Variants in NEGR1 observed in about 807,000 individuals in gnomAD.
NEGR1 encodes the protein IgLON family member 4.
NEGR1 carries 10 observed loss-of-function variants against 40.9 expected under a neutral mutation model. The observed-to-expected ratio is 0.24, with a 90% confidence interval of 0.15 to 0.42. The LOEUF (loss-of-function observed/expected upper bound fraction) is 0.42, where lower values mean the gene tolerates loss of function less well. Among genes scored for constraint, NEGR1 ranks in the 10% least tolerant of loss-of-function variants. NEGR1 has a pLI of 1.00. For synonymous variants in NEGR1, 185 were observed against 166.8 expected (o/e 1.11, Z -0.84); for missense variants, 352 against 438.9 (o/e 0.80, Z 1.77).
chr1:72,141,303 C>G (rs768497773), intron 1 of NEGR1, among the ~76,000 whole-genome samples: 1 of 151,890 alleles, frequency 6.6e-6, no homozygotes, highest in African/African-American at 2.4e-5. Context: ...ATGCATATGT[C>G]ATTTCTAAGA....
At chr1:71,566,196 T>TG (rs1161495417) in intron 6 of NEGR1, among the ~76,000 whole-genome samples, 1 of 152,138 alleles carries the variant, frequency 6.6e-6, no homozygotes, top group Admixed American at 6.6e-5. Context: ...GTAGTAATTT[T>TG]TTATGACAGC....
intron 3 of NEGR1, among the ~76,000 whole-genome samples, chr1:71,708,142 C>A (rs1002843939): frequency 2.0e-5 from 3 of 151,806 alleles, no homozygotes; most frequent in Admixed American, 1.3e-4. Context: ...GGAAAACATG[C>A]CCTCAGCAAA....
At chr1:72,145,301 T>C (rs1650865176) in intron 1 of NEGR1, among the ~76,000 whole-genome samples, 1 of 152,144 alleles carries the variant, frequency 6.6e-6, no homozygotes, top group Admixed American at 6.6e-5. Context: ...GTGTGTGTTC[T>C]TCTGACTTCA....
chr1:71,996,373 A>G (rs1003404030), intron 1 of NEGR1, among the ~76,000 whole-genome samples: 1 of 152,098 alleles, frequency 6.6e-6, no homozygotes, highest in Non-Finnish European at 1.5e-5. Flanking sequence ...AGCACTTGCT[A>G]TTTCTTCTGC....
chr1:71,455,783 T>G (rs182404068), intron 6 of NEGR1, among the ~76,000 whole-genome samples: 4 of 152,328 alleles, frequency 2.6e-5, no homozygotes, highest in Admixed American at 2.6e-4. Flanking sequence ...TACATTTTTA[T>G]GTCTCCAAGT....
At chr1:71,434,892 C>T (rs1014603638) in intron 6 of NEGR1, among the ~76,000 whole-genome samples, 3 of 152,260 alleles carry the variant, frequency 2.0e-5, no homozygotes, top group Admixed American at 6.5e-5. Context: ...GAGATCAAGA[C>T]CATCCTGGCT....
intron 3 of NEGR1, among the ~76,000 whole-genome samples, chr1:71,759,764 C>T (rs1055229768): frequency 1.2e-4 from 18 of 151,660 alleles, no homozygotes; most frequent in African/African-American, 4.4e-4. Context: ...CCTGTGCCAC[C>T]ATGTCTGGCT....
intron 2 of NEGR1, among the ~76,000 whole-genome samples, chr1:71,873,828 TC>T (rs2101835750): frequency 6.6e-6 from 1 of 152,224 alleles, no homozygotes; most frequent in South Asian, 2.1e-4. Flanking sequence ...GTTGAATAGT[TC>T]ACATCAAAAC....
At chr1:71,837,249 G>A (rs1353618680) in intron 2 of NEGR1, among the ~76,000 whole-genome samples, 2 of 152,022 alleles carry the variant, frequency 1.3e-5, no homozygotes. Flanking sequence ...TTCTCTATAT[G>A]CCTGACACTA....
chr1:71,476,825 A>T (rs1032428931), intron 6 of NEGR1: 3 of 152,126 alleles, frequency 2.0e-5, no homozygotes, highest in African/African-American at 7.2e-5. Context: ...GACTCTGCCC[A>T]TCTTCTTTTG....
intron 3 of NEGR1, among the ~76,000 whole-genome samples, chr1:71,698,588 G>A (rs955965072): frequency 6.6e-6 from 1 of 151,748 alleles, no homozygotes; most frequent in African/African-American, 2.4e-5. Context: ...CTTATTCAAG[G>A]ATTCAAGTCA....
At chr1:72,189,899 G>A (rs1159570444) in intron 1 of NEGR1, among the ~76,000 whole-genome samples, 1 of 151,574 alleles carries the variant, frequency 6.6e-6, no homozygotes, top group African/African-American at 2.4e-5. Flanking sequence ...GTGACCTAAT[G>A]ACTGGACCTT....
chr1:71,677,118 C>T (rs1652667442), intron 4 of NEGR1, among the ~76,000 whole-genome samples: 1 of 152,050 alleles, frequency 6.6e-6, no homozygotes, highest in Non-Finnish European at 1.5e-5. Flanking sequence ...TATATGTAGG[C>T]TGTTTAGCTC....
intron 1 of NEGR1, among the ~76,000 whole-genome samples, chr1:72,125,046 T>C (rs1283863167): frequency 6.6e-6 from 1 of 152,124 alleles, no homozygotes; most frequent in Non-Finnish European, 1.5e-5. Flanking sequence ...GTCATCACTG[T>C]ACGTCACTCA....
chr1:72,140,009 T>C (rs1217243230), intron 1 of NEGR1, among the ~76,000 whole-genome samples: 10 of 152,040 alleles, frequency 6.6e-5, no homozygotes, highest in Admixed American at 5.9e-4. Flanking sequence ...GTGCCTAGAA[T>C]AATCACACTA....
intron 1 of NEGR1, among the ~76,000 whole-genome samples, chr1:71,995,475 A>C (rs1434366366): frequency 6.6e-6 from 1 of 152,208 alleles, no homozygotes; most frequent in Non-Finnish European, 1.5e-5. Flanking sequence ...ATATCAGAGA[A>C]ATATCAACAG....
chr1:71,648,689 A>G (rs1378209400), intron 4 of NEGR1, among the ~76,000 whole-genome samples: 1 of 151,960 alleles, frequency 6.6e-6, no homozygotes, highest in Non-Finnish European at 1.5e-5. Context: ...CTAAAGATCT[A>G]CGGTTCAATC....
At chr1:71,498,864 G>C (rs772278686) in intron 6 of NEGR1, among the ~76,000 whole-genome samples, 99 of 152,248 alleles carry the variant, frequency 6.5e-4, no homozygotes, top group Non-Finnish European at 1.2e-3. Flanking sequence ...AGAGATAGTT[G>C]TAGGGGTGCC....
At chr1:71,995,618 C>T (rs1020042747) in intron 1 of NEGR1, among the ~76,000 whole-genome samples, 1 of 152,242 alleles carries the variant, frequency 6.6e-6, no homozygotes, top group Non-Finnish European at 1.5e-5. Flanking sequence ...AATTTAAATA[C>T]ATCTCAATTC....
Sources: allele counts gnomAD v4.1 joint callset (sites outside exome capture counted in the v4.1 genomes callset), GRCh38; gene constraint gnomAD v4.1.1; transcripts MANE v1.5; gene names NCBI Gene and HGNC (gene_info 2026-07-23, HGNC 2026-07-21).